CRYM: variants seen among roughly 807,000 people sequenced by gnomAD.
CRYM encodes the protein ketimine reductase mu-crystallin.
Under a neutral mutation model 32.9 loss-of-function variants are expected in CRYM, and 18 were observed. The observed-to-expected ratio is 0.55, with a 90% CI of 0.38 to 0.81. The LOEUF is 0.81. Ranked by LOEUF, CRYM falls within the 30% of genes least tolerant of loss-of-function variation. CRYM has a pLI of 0.00. For synonymous variants in CRYM, 153 were observed against 152.4 expected (o/e 1.00, Z -0.03); for missense variants, 337 against 393.5 (o/e 0.86, Z 1.21).
intron 1 of CRYM, among the ~76,000 whole-genome samples, chr16:21,292,675 A>G (rs889374089): frequency 6.6e-6 from 1 of 152,150 alleles, no homozygotes; most frequent in Non-Finnish European, 1.5e-5. Context: ...TTATTATAAA[A>G]CTACAGTAAT....
intron 3 of CRYM, among the ~76,000 whole-genome samples, chr16:21,270,101 T>C (rs1222818580): frequency 2.6e-5 from 4 of 152,174 alleles, no homozygotes; most frequent in Admixed American, 6.5e-5. Context: ...AGCTAATGTA[T>C]GCCAATGCTT....
At chr16:21,275,015 C>T (rs536309379) in intron 3 of CRYM, among the ~76,000 whole-genome samples, 1 of 152,304 alleles carries the variant, frequency 6.6e-6, no homozygotes, top group African/African-American at 2.4e-5. Flanking sequence ...TGATAGAAGC[C>T]CAGTCAATAC....
intron 1 of CRYM, among the ~76,000 whole-genome samples, chr16:21,294,753 GGC>G (rs1177376313): frequency 6.8e-6 from 1 of 147,878 alleles, no homozygotes; most frequent in African/African-American, 2.5e-5. Context: ...GGAGTACAGT[GGC>G]GCGATCTCGA....
chr16:21,300,012 T>C (rs1960872312), intron 1 of CRYM: 2 of 152,212 alleles, frequency 1.3e-5, no homozygotes. Context: ...TAACATTGCA[T>C]GTTAAGTAAG....
chr16:21,264,822 C>T (rs1292887162), intron 5 of CRYM, among the ~76,000 whole-genome samples: 2 of 152,126 alleles, frequency 1.3e-5, no homozygotes, highest in Non-Finnish European at 2.9e-5. Flanking sequence ...TGGGTCATCT[C>T]TGGGAGCTGA....
At position 21,258,627 on chromosome 16, in the gene CRYM, C is replaced by A; in HGVS notation, c.*154G>T. 1.4e-6 allele frequency: 1 copy of A among 725,156 alleles called. No individual in the cohort carries two copies. Among genetic ancestry groups the A allele is most frequent in the Non-Finnish European group, 2.4e-6 (1 of 409,856 alleles). The allele number at this position is 725,156 out of a possible 1,614,324, so 44.9% of individuals were successfully genotyped here. A position where few individuals can be genotyped will look rare whatever the true frequency, so the allele number is the denominator to read the frequency against. Reference sequence around the variant, plus strand: ...GCTACCTAGCTTTGCTTTCCAACTACAAACATAAATGAGGATCTCAGCATT... The same window carrying A: ...GCTACCTAGCTTTGCTTTCCAACTAAAAACATAAATGAGGATCTCAGCATT... On this transcript the variant is annotated 3_prime_UTR_variant, in exon 8 of 8. Coordinates refer to ENST00000572914, the MANE Select transcript of CRYM (RefSeq NM_001376256.1).
chr16:21,262,167 C>G lies in CRYM; in HGVS notation c.674-9G>C. ...TCTGCTGGCTCCAACAGCTAAGAGA[C>G]AGCAAAACAGACCTTAAGCCCAGGA... On this transcript the variant is annotated splice_polypyrimidine_tract_variant and intron_variant, in intron 5 of 7. Coordinates refer to ENST00000572914, the MANE Select transcript of CRYM (RefSeq NM_001376256.1). 2 of 1,613,984 alleles carry G rather than the reference C, an allele frequency of 1.2e-6. No individual in the cohort carries two copies. Among genetic ancestry groups the G allele is most frequent in the Non-Finnish European group, 1.7e-6 (2 of 1,179,904 alleles).
intron 1 of CRYM, among the ~76,000 whole-genome samples, chr16:21,284,537 G>C (rs1283017259): frequency 6.6e-6 from 1 of 152,034 alleles, no homozygotes; most frequent in African/African-American, 2.4e-5. Flanking sequence ...TGGATTTGTA[G>C]GTTCTAGACA....
At position 21,259,386 on chromosome 16, in the gene CRYM, G is replaced by A. The variant is rs892419398; in HGVS notation, c.881-541C>T. Among the ~76,000 whole-genome samples, 5 of 152,074 alleles carry A rather than the reference G, an allele frequency of 3.3e-5. No individual in the cohort carries two copies. The South Asian group carries it at 1.0e-3, about 32-fold the overall frequency. On this transcript the variant is annotated intron_variant, in intron 7 of 7. Coordinates refer to ENST00000572914, the MANE Select transcript of CRYM (RefSeq NM_001376256.1). ...GCCTCCCAAAGTGCTGGGCTTACAG[G>A]CATGAGCCACCACGCCTGGCCTGAA... is the stretch of plus-strand genomic sequence containing the variant.
intron 1 of CRYM, among the ~76,000 whole-genome samples, chr16:21,297,620 A>T (rs1023367174): frequency 6.6e-6 from 1 of 152,226 alleles, no homozygotes; most frequent in African/African-American, 2.4e-5. Flanking sequence ...TACATATTTT[A>T]AAAATGCATA....
intron 1 of CRYM, among the ~76,000 whole-genome samples, chr16:21,295,585 A>T (rs1960772162): frequency 6.6e-6 from 1 of 152,152 alleles, no homozygotes; most frequent in Admixed American, 6.5e-5. Flanking sequence ...CGTCCATTTC[A>T]CTTAAATTGT....
At chr16:21,287,052 T>C (rs934482385) in intron 1 of CRYM, among the ~76,000 whole-genome samples, 3 of 150,386 alleles carry the variant, frequency 2.0e-5, no homozygotes, top group African/African-American at 7.4e-5. Flanking sequence ...ATCACGCCAC[T>C]GCACTCCAGC....
chr16:21,293,001 T>C (rs1960699379), intron 1 of CRYM, among the ~76,000 whole-genome samples: 1 of 151,170 alleles, frequency 6.6e-6, no homozygotes, highest in African/African-American at 2.4e-5. Context: ...GATGGATGAA[T>C]GAATAGATGG....
intron 3 of CRYM, among the ~76,000 whole-genome samples, chr16:21,272,108 C>A (rs558014493): frequency 6.6e-6 from 1 of 152,024 alleles, no homozygotes; most frequent in African/African-American, 2.4e-5. Flanking sequence ...AGTGATCCAC[C>A]TGCCTCGGCC....
chr16:21,291,376 C>T (rs1474999471), intron 1 of CRYM, among the ~76,000 whole-genome samples: 1 of 152,120 alleles, frequency 6.6e-6, no homozygotes, highest in Non-Finnish European at 1.5e-5. Context: ...ATCAGAGCTA[C>T]TGGTAGTCAA....
intron 1 of CRYM, among the ~76,000 whole-genome samples, chr16:21,294,179 G>A (rs1039526399): frequency 3.3e-5 from 5 of 152,140 alleles, no homozygotes; most frequent in African/African-American, 1.2e-4. Flanking sequence ...CTTCAAAACA[G>A]TGGATAGTTT....
intron 1 of CRYM, among the ~76,000 whole-genome samples, chr16:21,290,303 C>T (rs867454360): frequency 1.3e-5 from 2 of 152,206 alleles, no homozygotes; most frequent in Admixed American, 6.5e-5. Context: ...AGTGAGACCA[C>T]GAACCCACCG....
chr16:21,259,405 G>T (rs2093350347), intron 7 of CRYM, among the ~76,000 whole-genome samples: 1 of 152,026 alleles, frequency 6.6e-6, no homozygotes, highest in South Asian at 2.1e-4. Flanking sequence ...ACCACGCCTG[G>T]CCTGAACAAA....
chr16:21,278,602 G>A (rs180924117), upstream of CRYM: 35 of 351,032 alleles, frequency 1.0e-4, no homozygotes, highest in African/African-American at 5.9e-4. Flanking sequence ...CTATTAACTC[G>A]CTTTTTGCTG....
Sources: allele counts gnomAD v4.1 joint callset (sites outside exome capture counted in the v4.1 genomes callset), GRCh38; gene constraint gnomAD v4.1.1; transcripts MANE v1.5; gene names NCBI Gene and HGNC (gene_info 2026-07-23, HGNC 2026-07-21).